Variants in EBF1 observed in about 807,000 individuals in gnomAD.
The protein encoded by EBF1 is EBF transcription factor 1, also known as transcription factor COE1.
EBF1 carries 10 observed loss-of-function variants against 68.4 expected under a neutral mutation model. That is an observed-to-expected ratio of 0.15 (90% CI 0.09 to 0.25). EBF1 has a LOEUF of 0.25. EBF1 is among the 10% of genes least tolerant of loss of function. The pLI is 1.00. For synonymous variants in EBF1, 298 were observed against 299.8 expected, an observed-to-expected ratio of 0.99 and a Z score of 0.06; for missense variants, 509 against 794.4, an observed-to-expected ratio of 0.64 and a Z score of 4.32.
intron 8 of EBF1, among the ~76,000 whole-genome samples, chr5:158,820,581 CT>C (rs1562023091): frequency 6.6e-6 from 1 of 152,188 alleles, no homozygotes; most frequent in African/African-American, 2.4e-5. Flanking sequence ...CATGTCTACC[CT>C]TTCTTTCCAC....
intron 11 of EBF1, among the ~76,000 whole-genome samples, chr5:158,718,390 C>T (rs1450694740): frequency 2.0e-5 from 3 of 152,178 alleles, no homozygotes; most frequent in South Asian, 2.1e-4. Context: ...TATCTCCATA[C>T]CTTCACTCCT....
rs574232759 is a variant in EBF1, at chr5:158,852,844, C to T, written c.555-12734G>A. 6.6e-5 allele frequency among the ~76,000 whole-genome samples: 10 copies of T among 152,304 alleles called. No individual in the cohort carries two copies. In the East Asian group the frequency reaches 1.9e-3, roughly 29 times the overall value. On this transcript the variant is annotated intron_variant, in intron 6 of 15. Coordinates refer to ENST00000313708, the MANE Select transcript of EBF1 (RefSeq NM_024007.5). ...GGTGCTTTGTAGCTCACAGGTCACT[C>T]GCTTGCCCTCCCCGCATGTCACTTT...
chr5:158,885,821 CATG>C (rs1235378182), intron 6 of EBF1, among the ~76,000 whole-genome samples: 42 of 152,362 alleles, frequency 2.8e-4, no homozygotes, highest in African/African-American at 1.0e-3. Context: ...TATTCTCTGC[CATG>C]ATGTTCTCTG....
intron 8 of EBF1, among the ~76,000 whole-genome samples, chr5:158,800,399 G>A (rs940961692): frequency 3.3e-5 from 5 of 152,144 alleles, no homozygotes; most frequent in African/African-American, 1.2e-4. Flanking sequence ...AAAAGAACTA[G>A]ACTGGGGTTG....
At chr5:158,889,699 T>C (rs1421731199) in intron 6 of EBF1, among the ~76,000 whole-genome samples, 1 of 152,092 alleles carries the variant, frequency 6.6e-6, no homozygotes, top group African/African-American at 2.4e-5. Context: ...CCCAGAGGGA[T>C]TAAGGGAATA....
At chr5:158,931,061 A>T (rs1810783791) in intron 6 of EBF1, among the ~76,000 whole-genome samples, 1 of 152,244 alleles carries the variant, frequency 6.6e-6, no homozygotes, top group Non-Finnish European at 1.5e-5. Context: ...GATGGAAATG[A>T]TGATGCTGTG....
chr5:158,893,179 T>C (rs1351168580), intron 6 of EBF1, among the ~76,000 whole-genome samples: 1 of 152,234 alleles, frequency 6.6e-6, no homozygotes, highest in Non-Finnish European at 1.5e-5. Context: ...TTAAGAGAAA[T>C]GAATGGCTTG....
intron 11 of EBF1, 43 bp from the exon 12 acceptor site, chr5:158,714,225 G>T: frequency 6.2e-7 from 1 of 1,607,104 alleles, no homozygotes; most frequent in Non-Finnish European, 8.5e-7. Context: ...GTGAAGGCAG[G>T]TTGTCGTTAT....
chr5:158,744,773 C>T (rs183648857), intron 10 of EBF1, among the ~76,000 whole-genome samples: 7 of 152,294 alleles, frequency 4.6e-5, no homozygotes, highest in Admixed American at 3.9e-4. Context: ...CTTCAGATGC[C>T]TCAAGGCAAA....
At chr5:158,872,565 T>A (rs765976757) in intron 6 of EBF1, among the ~76,000 whole-genome samples, 1 of 152,188 alleles carries the variant, frequency 6.6e-6, no homozygotes, top group Non-Finnish European at 1.5e-5. Flanking sequence ...GACATTCATA[T>A]CTGAATTTTA....
chr5:158,822,661 C>A (rs1785117843), intron 8 of EBF1, among the ~76,000 whole-genome samples: 1 of 152,164 alleles, frequency 6.6e-6, no homozygotes, highest in Non-Finnish European at 1.5e-5. Context: ...TCAGAAAGCA[C>A]CTCCAACCTC....
At chr5:158,965,901 G>A (rs1448308087) in intron 6 of EBF1, among the ~76,000 whole-genome samples, 2 of 152,144 alleles carry the variant, frequency 1.3e-5, no homozygotes, top group African/African-American at 2.4e-5. Context: ...ATTCAGATGG[G>A]TACAACGGTG....
intron 9 of EBF1, among the ~76,000 whole-genome samples, chr5:158,781,318 T>A (rs1350777603): frequency 1.3e-5 from 2 of 152,218 alleles, no homozygotes; most frequent in Non-Finnish European, 2.9e-5. Context: ...TTTGCTCCAC[T>A]TTTCTGTCAA....
chr5:159,022,056 T>TAGAAAAAAAA (rs1766800813), intron 6 of EBF1, among the ~76,000 whole-genome samples: 1 of 105,632 alleles, frequency 9.5e-6, no homozygotes, highest in Admixed American at 1.1e-4. Flanking sequence ...GTCAGCACGA[T>TAGAAAAAAAA]AAAAAAAAAA....
At position 159,099,640 on chromosome 5, in the gene EBF1, G is replaced by A; in HGVS notation, c.-162C>T. 1 of 963,514 alleles carries A rather than the reference G, an allele frequency of 1.0e-6. No individual in the cohort carries two copies. The highest frequency in any genetic ancestry group is 2.5e-5 in the South Asian group (1 of 40,474). The allele number at this position is 963,514 out of a possible 1,614,324, so 59.7% of individuals were successfully genotyped here. A position where few individuals can be genotyped will look rare whatever the true frequency, so the allele number is the denominator to read the frequency against. ...CGCACTTAGAAGATCAAGGCGGGCT[G>A]GAAAGCAAATTTTTAAAAAATGTAA... On this transcript the variant is annotated 5_prime_UTR_variant, in exon 1 of 16. Coordinates refer to ENST00000313708, the MANE Select transcript of EBF1 (RefSeq NM_024007.5).
intron 9 of EBF1, among the ~76,000 whole-genome samples, chr5:158,788,993 T>C (rs909557731): frequency 5.6e-5 from 7 of 124,074 alleles, no homozygotes; most frequent in African/African-American, 2.1e-4. Context: ...TTTTTATCTG[T>C]TTTTTTTTTA....
intron 8 of EBF1, among the ~76,000 whole-genome samples, chr5:158,821,038 A>C (rs1318303629): frequency 6.6e-6 from 1 of 152,166 alleles, no homozygotes; most frequent in African/African-American, 2.4e-5. Context: ...TCCCCTTAGC[A>C]ACAACTGGCT....
intron 6 of EBF1, among the ~76,000 whole-genome samples, chr5:158,958,946 G>T (rs1267408302): frequency 1.3e-5 from 2 of 152,130 alleles, no homozygotes; most frequent in Non-Finnish European, 2.9e-5. Flanking sequence ...TTGCCCACAC[G>T]ATTCGCACAT....
In EBF1 at chr5:159,029,190, C is replaced by T. The variant is rs55716021; in HGVS notation, c.554+44206G>A. Among the ~76,000 whole-genome samples the T allele has an allele frequency of 6.4e-3, 975 of 152,138 alleles. 11 individuals carry two copies. The highest frequency in any genetic ancestry group is 0.022 in the African/African-American group (929 of 41,518). On this transcript the variant is annotated intron_variant, in intron 6 of 15. Transcript: ENST00000313708. The stretch of plus-strand genomic sequence containing the variant: ...CCCAACCATACTCATAAGAGAAATA[C>T]TCATGTAAGTAAAGCCCAATTTGAA...
Sources: allele counts gnomAD v4.1 joint callset (sites outside exome capture counted in the v4.1 genomes callset), GRCh38; gene constraint gnomAD v4.1.1; transcripts MANE v1.5; gene names NCBI Gene and HGNC (gene_info 2026-07-23, HGNC 2026-07-21).